Variants in SDC2 observed in about 807,000 individuals in gnomAD.
SDC2 encodes syndecan-2.
A neutral mutation model predicts 22.2 loss-of-function variants in SDC2; 13 were observed. The ratio of observed to expected loss-of-function variants is 0.59; its 90% CI spans 0.38 to 0.93. SDC2 has a LOEUF of 0.93. Among genes scored for constraint, SDC2 ranks in the 40% least tolerant of loss-of-function variants. The pLI, the probability that SDC2 is intolerant of heterozygous loss-of-function variation, is 0.00. For synonymous variants in SDC2, 94 were observed against 92.8 expected, an observed-to-expected ratio of 1.01 and a Z score of -0.07; for missense variants, 235 against 246.8, an observed-to-expected ratio of 0.95 and a Z score of 0.32.
chr8:96,580,318 G>A (rs1350243598), intron 1 of SDC2: 1 of 904,162 alleles, frequency 1.1e-6, no homozygotes, highest in African/African-American at 1.8e-5. Context: ...AGAGTGTAAG[G>A]TTAAGCAGCA....
At position 96,545,762 on chromosome 8, in the gene SDC2, G is replaced by A. The variant is rs562221689; in HGVS notation, c.61-47718G>A. On this transcript the variant is annotated intron_variant, in intron 1 of 4. Coordinates refer to ENST00000302190, the MANE Select transcript of SDC2 (RefSeq NM_002998.4). ...CTGTGGGCTTAGGGTGGTGGCCTGG[G>A]CGTCGGCATTTCTAACAGACATCCA... Among the ~76,000 whole-genome samples, 6 of 152,334 alleles carry A rather than the reference G, an allele frequency of 3.9e-5. No individual in the cohort carries two copies. The East Asian group carries it at 9.6e-4, about 24-fold the overall frequency.
intron 1 of SDC2, among the ~76,000 whole-genome samples, chr8:96,542,102 A>G (rs1259319611): frequency 1.3e-5 from 2 of 151,960 alleles, no homozygotes; most frequent in Admixed American, 1.3e-4. Flanking sequence ...TCTCTTTGTA[A>G]TTTTCACTTC....
At chr8:96,545,083 C>T (rs1295927921) in intron 1 of SDC2, among the ~76,000 whole-genome samples, 4 of 152,180 alleles carry the variant, frequency 2.6e-5, no homozygotes, top group African/African-American at 9.7e-5. Flanking sequence ...ACAGCTGTCC[C>T]ACCTGACTAG....
rs541293491 is a variant in SDC2 at position 96,548,953 on chromosome 8, G to A, written c.61-44527G>A. Reference sequence around the variant, plus strand: ...GAGCATTCTAGAAAACAGGGTACACGTGGAGTAGATGCCATATTCAGTGCG... The same window carrying A: ...GAGCATTCTAGAAAACAGGGTACACATGGAGTAGATGCCATATTCAGTGCG... On this transcript the variant is annotated intron_variant, in intron 1 of 4. Transcript: ENST00000302190. 1.6e-3 allele frequency among the ~76,000 whole-genome samples: 247 copies of A among 152,278 alleles called. 1 individual carries two copies. Among genetic ancestry groups the A allele is most frequent in the Non-Finnish European group, 9.8e-4 (67 of 68,022 alleles).
At chr8:96,585,887 G>A (rs1469278191) in intron 1 of SDC2, among the ~76,000 whole-genome samples, 1 of 149,950 alleles carries the variant, frequency 6.7e-6, no homozygotes, top group Non-Finnish European at 1.5e-5. Flanking sequence ...TTGGTTGGTG[G>A]GGGTCGCAGT....
chr8:96,599,456 A>G (rs1814940064), intron 2 of SDC2, among the ~76,000 whole-genome samples: 1 of 152,226 alleles, frequency 6.6e-6, no homozygotes, highest in Admixed American at 6.5e-5. Flanking sequence ...CAAATTAAGC[A>G]TATTATATGT....
At chr8:96,563,822 G>C (rs576965259) in intron 1 of SDC2, among the ~76,000 whole-genome samples, 76 of 152,296 alleles carry the variant, frequency 5.0e-4, no homozygotes, top group Non-Finnish European at 1.0e-3. Context: ...CCTGCTTGGT[G>C]CCAGCTGACA....
intron 1 of SDC2, among the ~76,000 whole-genome samples, chr8:96,548,753 C>G (rs1013218634): frequency 6.6e-6 from 1 of 152,174 alleles, no homozygotes; most frequent in Non-Finnish European, 1.5e-5. Flanking sequence ...TCCAAGTCTT[C>G]TGTTTAAACT....
At chr8:96,596,025 A>G (rs1247901702) in intron 2 of SDC2, among the ~76,000 whole-genome samples, 2 of 152,212 alleles carry the variant, frequency 1.3e-5, no homozygotes, top group Non-Finnish European at 2.9e-5. Flanking sequence ...ACTTGTAACT[A>G]AAATTTGTGA....
At chr8:96,510,435 C>G (rs1393817071) in intron 1 of SDC2, among the ~76,000 whole-genome samples, 1 of 152,180 alleles carries the variant, frequency 6.6e-6, no homozygotes, top group African/African-American at 2.4e-5. Context: ...AGCAGCCCAT[C>G]ATCTAATCTA....
chr8:96,594,954 A>G (rs937540209), intron 2 of SDC2, among the ~76,000 whole-genome samples: 1 of 152,184 alleles, frequency 6.6e-6, no homozygotes, highest in Non-Finnish European at 1.5e-5. Context: ...GTGATCTCCC[A>G]CCAGCTCCCT....
At chr8:96,589,649 G>A (rs1814744940) in intron 1 of SDC2, among the ~76,000 whole-genome samples, 1 of 152,202 alleles carries the variant, frequency 6.6e-6, no homozygotes, top group African/African-American at 2.4e-5. Context: ...GACCTCAGGT[G>A]ATCCGCCCGC....
chr8:96,494,753 C>G (rs1428605043), intron 1 of SDC2, among the ~76,000 whole-genome samples: 1 of 152,190 alleles, frequency 6.6e-6, no homozygotes. Flanking sequence ...CTGGAAACTT[C>G]GGGGTCCCTT....
chr8:96,583,672 G>A (rs929296264), intron 1 of SDC2, among the ~76,000 whole-genome samples: 2 of 128,370 alleles, frequency 1.6e-5, no homozygotes, highest in African/African-American at 6.2e-5. Context: ...ATATATATAT[G>A]TATTTGAAAT....
chr8:96,502,007 G>T (rs1177330598), intron 1 of SDC2, among the ~76,000 whole-genome samples: 1 of 151,930 alleles, frequency 6.6e-6, no homozygotes, highest in Non-Finnish European at 1.5e-5. Context: ...GGTATACATT[G>T]TCCTGCGTAT....
chr8:96,557,702 C>G (rs1039816931), intron 1 of SDC2, among the ~76,000 whole-genome samples: 2 of 151,886 alleles, frequency 1.3e-5, no homozygotes, highest in South Asian at 2.1e-4. Flanking sequence ...GTGCAGCGCA[C>G]CAGCATGGCA....
chr8:96,554,432 G>GA (rs1470150269), intron 1 of SDC2, among the ~76,000 whole-genome samples: 3 of 151,644 alleles, frequency 2.0e-5, no homozygotes, highest in Non-Finnish European at 4.4e-5. Context: ...ATTTTAAAAG[G>GA]AAAAAAAGTA....
At chr8:96,594,454 C>T (rs1203897154) in intron 2 of SDC2, among the ~76,000 whole-genome samples, 3 of 152,146 alleles carry the variant, frequency 2.0e-5, no homozygotes, top group African/African-American at 7.2e-5. Flanking sequence ...TGTGCAAAGC[C>T]TCTTGCAGCC....
chr8:96,601,658 A>T (rs200755689), intron 2 of SDC2, among the ~76,000 whole-genome samples: 1 of 151,614 alleles, frequency 6.6e-6, no homozygotes, highest in South Asian at 2.1e-4. Context: ...AAAAAAAAAA[A>T]AGAAACAAAA....
Sources: allele counts gnomAD v4.1 joint callset (sites outside exome capture counted in the v4.1 genomes callset), GRCh38; gene constraint gnomAD v4.1.1; transcripts MANE v1.5; gene names NCBI Gene and HGNC (gene_info 2026-07-23, HGNC 2026-07-21).